IQCM: variants seen among roughly 807,000 people sequenced by gnomAD.
IQCM encodes IQ motif containing M, also known as IQ domain-containing protein M.
In IQCM, 45 loss-of-function variants were observed where a neutral mutation model predicts 57.6. The ratio of observed to expected loss-of-function variants is 0.78; its 90% CI spans 0.62 to 1.00. The LOEUF is 1.00. Ranked by LOEUF, IQCM falls within the 50% of genes least tolerant of loss-of-function variation. The pLI, the probability that IQCM is intolerant of heterozygous loss-of-function variation, is 0.00. For missense variants in IQCM, 468 were observed against 511.6 expected, an observed-to-expected ratio of 0.91 and a Z score of 0.82; for synonymous variants, 148 against 158.9, an observed-to-expected ratio of 0.93 and a Z score of 0.51.
chr4:149,777,368 C>A (rs756602206), intron 2 of IQCM, among the ~76,000 whole-genome samples: 1 of 152,156 alleles, frequency 6.6e-6, no homozygotes, highest in Non-Finnish European at 1.5e-5. Flanking sequence ...GTTTTTAGAA[C>A]ACCGTCTGGT....
intron 13 of IQCM, among the ~76,000 whole-genome samples, chr4:149,369,309 G>T (rs1048647376): frequency 6.6e-6 from 1 of 151,680 alleles, no homozygotes; most frequent in African/African-American, 2.4e-5. Context: ...CTCCCAAATT[G>T]CTGGGATTAT....
intron 12 of IQCM, among the ~76,000 whole-genome samples, chr4:149,496,932 C>T (rs1023560345): frequency 3.3e-5 from 5 of 152,068 alleles, no homozygotes; most frequent in Non-Finnish European, 7.4e-5. Flanking sequence ...GGTATTTGCT[C>T]CTAAAATGCT....
chr4:149,441,670 T>C (rs1293785494), intron 12 of IQCM, among the ~76,000 whole-genome samples: 1 of 152,180 alleles, frequency 6.6e-6, no homozygotes, highest in Non-Finnish European at 1.5e-5. Context: ...AGTGTTCTAC[T>C]GATTTAAATT....
At chr4:149,370,625 G>C (rs1232318089) in intron 13 of IQCM, among the ~76,000 whole-genome samples, 1 of 151,876 alleles carries the variant, frequency 6.6e-6, no homozygotes, top group Non-Finnish European at 1.5e-5. Context: ...TTTGTAAAAA[G>C]AGTGTGCTGG....
At chr4:149,755,299 G>A (rs1389761889) in intron 2 of IQCM, among the ~76,000 whole-genome samples, 1 of 152,070 alleles carries the variant, frequency 6.6e-6, no homozygotes, top group Admixed American at 6.6e-5. Flanking sequence ...ATGCCTTCCA[G>A]TAACAATGGA....
At chr4:149,355,742 C>A (rs1038091761) in intron 13 of IQCM, among the ~76,000 whole-genome samples, 4 of 152,056 alleles carry the variant, frequency 2.6e-5, no homozygotes, top group African/African-American at 9.7e-5. Context: ...GATTTATAAT[C>A]CTTTGGGTAT....
intron 13 of IQCM, among the ~76,000 whole-genome samples, chr4:149,364,830 G>A (rs1288288090): frequency 6.6e-6 from 1 of 152,048 alleles, no homozygotes; most frequent in South Asian, 2.1e-4. Context: ...GTGCAACCTG[G>A]AAATATAAGG....
chr4:149,699,414 G>C (rs897452281), intron 5 of IQCM, among the ~76,000 whole-genome samples: 11 of 151,948 alleles, frequency 7.2e-5, no homozygotes, highest in Non-Finnish European at 1.6e-4. Context: ...AATGTGTTTA[G>C]ATTGATCTTC....
chr4:149,575,310 A>T (rs956324241), intron 9 of IQCM, among the ~76,000 whole-genome samples: 4 of 151,842 alleles, frequency 2.6e-5, no homozygotes, highest in Non-Finnish European at 5.9e-5. Context: ...AAGGGGAGGG[A>T]TGTAATACAT....
intron 7 of IQCM, among the ~76,000 whole-genome samples, chr4:149,679,674 T>A (rs1167466010): frequency 1.3e-5 from 2 of 151,532 alleles, no homozygotes; most frequent in East Asian, 3.9e-4. Context: ...AAAAAAAGAA[T>A]TGGGTGATAA....
At chr4:149,772,955 C>T (rs989749738) in intron 2 of IQCM, among the ~76,000 whole-genome samples, 9 of 152,102 alleles carry the variant, frequency 5.9e-5, no homozygotes, top group Admixed American at 5.9e-4. Flanking sequence ...ATAAAGAACT[C>T]TTAAAGATCC....
chr4:149,805,354 T>C (rs1375261646), intron 2 of IQCM, among the ~76,000 whole-genome samples: 1 of 152,064 alleles, frequency 6.6e-6, no homozygotes, highest in Non-Finnish European at 1.5e-5. Context: ...AAATGAGCAA[T>C]GAATTTTCTT....
intron 13 of IQCM, among the ~76,000 whole-genome samples, chr4:149,387,133 A>G (rs990032899): frequency 1.3e-5 from 2 of 152,042 alleles, no homozygotes; most frequent in African/African-American, 4.8e-5. Context: ...GGGGAAGTCC[A>G]AGATCAAGGT....
chr4:149,455,510 A>G (rs535457514), intron 12 of IQCM, among the ~76,000 whole-genome samples: 2 of 152,196 alleles, frequency 1.3e-5, no homozygotes, highest in East Asian at 3.9e-4. Context: ...ACATGAAGAC[A>G]TGTCCCTTTT....
chr4:149,688,736 G>A (rs928938479), intron 5 of IQCM, among the ~76,000 whole-genome samples: 2 of 152,024 alleles, frequency 1.3e-5, no homozygotes, highest in African/African-American at 4.8e-5. Context: ...AAACGGCATG[G>A]TACTGGTATA....
intron 2 of IQCM, among the ~76,000 whole-genome samples, chr4:149,749,653 T>C (rs1768251507): frequency 1.3e-5 from 2 of 152,212 alleles, no homozygotes; most frequent in African/African-American, 4.8e-5. Flanking sequence ...TTCATTGAGC[T>C]ATACACAGGA....
chr4:149,679,227 T>C (rs55634991), intron 7 of IQCM, among the ~76,000 whole-genome samples: 23,162 of 151,556 alleles, frequency 0.15, 2,198 homozygotes, highest in South Asian at 0.34. Context: ...CTGTCATTTG[T>C]GACAACATGG....
intron 12 of IQCM, among the ~76,000 whole-genome samples, chr4:149,494,316 A>T (rs1560911623): frequency 6.6e-6 from 1 of 152,138 alleles, no homozygotes; most frequent in Non-Finnish European, 1.5e-5. Flanking sequence ...GAATATAAAG[A>T]AAAATAACCA....
intron 5 of IQCM, among the ~76,000 whole-genome samples, chr4:149,715,350 C>A (rs372872885): frequency 6.6e-6 from 1 of 152,188 alleles, no homozygotes; most frequent in Non-Finnish European, 1.5e-5. Context: ...CAGCTCCCAG[C>A]ACCAACTCCT....
Sources: gnomAD v4.1 joint callset for allele counts (sites outside exome capture counted in the v4.1 genomes callset) on GRCh38, gnomAD v4.1.1 for gene constraint, MANE v1.5 for transcripts, NCBI Gene and HGNC (gene_info 2026-07-23, HGNC 2026-07-21) for gene names.